Variants in TTC34 observed in about 807,000 individuals in gnomAD.
The protein encoded by TTC34 is tetratricopeptide repeat domain 34.
In TTC34, 44 loss-of-function variants were observed where a neutral mutation model predicts 40.7. The ratio of observed to expected loss-of-function variants is 1.08; its 90% CI spans 0.85 to 1.39. The LOEUF is 1.39. Ranked by LOEUF, TTC34 falls within the 40% of genes most tolerant of loss-of-function variation. The pLI, the probability that TTC34 is intolerant of heterozygous loss-of-function variation, is 0.00. For synonymous variants in TTC34, 422 were observed against 398.6 expected, an observed-to-expected ratio of 1.06 and a Z score of -0.70; for missense variants, 884 against 838.0, an observed-to-expected ratio of 1.05 and a Z score of -0.68.
intron 2 of TTC34, among the ~76,000 whole-genome samples, chr1:2,793,860 C>T (rs143888035): frequency 1.1e-4 from 17 of 152,262 alleles, no homozygotes; most frequent in African/African-American, 4.1e-4. Flanking sequence ...AATCCTTCTA[C>T]TGCCACCTCT....
chr1:2,652,206 C>A (rs1639163678), intron 6 of TTC34, among the ~76,000 whole-genome samples: 11 of 147,508 alleles, frequency 7.5e-5, no homozygotes, highest in Admixed American at 4.6e-4. Context: ...CACCCTGCAC[C>A]CCCAAGTGAG....
intron 5 of TTC34, among the ~76,000 whole-genome samples, chr1:2,784,135 C>T (rs550759542): frequency 2.3e-4 from 35 of 152,126 alleles, no homozygotes; most frequent in African/African-American, 7.0e-4. Context: ...GCATACAAGA[C>T]GAGGGGGGCA....
intron 6 of TTC34, among the ~76,000 whole-genome samples, chr1:2,698,388 C>A (rs1008253562): frequency 2.0e-5 from 1 of 50,812 alleles, no homozygotes; most frequent in African/African-American, 5.2e-5. Flanking sequence ...ATCGGACAGC[C>A]TGGAGCAGCA....
chr1:2,787,838 C>A, intron 3 of TTC34, 132 bp from the exon 4 acceptor site: 1 of 686,900 alleles, frequency 1.5e-6, no homozygotes, highest in Non-Finnish European at 2.3e-6. Flanking sequence ...GACCCTCACG[C>A]CACACCATCC....
intron 6 of TTC34, among the ~76,000 whole-genome samples, chr1:2,656,411 C>CT (rs372350260): frequency 1.5e-5 from 1 of 67,448 alleles, no homozygotes; most frequent in Non-Finnish European, 2.9e-5. Context: ...TAACAGCACC[C>CT]ACACCCCCAG....
chr1:2,754,046 C>G (rs1641417896), intron 6 of TTC34, among the ~76,000 whole-genome samples: 2 of 95,230 alleles, frequency 2.1e-5, no homozygotes, highest in African/African-American at 6.8e-5. Context: ...CAGCCTGGAG[C>G]AGCACCCACA....
chr1:2,769,832 A>G (rs1292437340), intron 6 of TTC34, among the ~76,000 whole-genome samples: 1 of 21,248 alleles, frequency 4.7e-5, no homozygotes, highest in African/African-American at 2.1e-4. Flanking sequence ...GGCGCCCACA[A>G]TCCCAGGTTA....
At chr1:2,793,450 A>G (rs1053843562) in intron 2 of TTC34, among the ~76,000 whole-genome samples, 25 of 151,974 alleles carry the variant, frequency 1.6e-4, no homozygotes, top group African/African-American at 6.0e-4. Flanking sequence ...TTTATTTTCT[A>G]TAGTTATGGG....
intron 6 of TTC34, among the ~76,000 whole-genome samples, chr1:2,751,647 C>G (rs1164093954): frequency 1.4e-5 from 1 of 70,404 alleles, no homozygotes; most frequent in African/African-American, 8.0e-5. Context: ...AGCACCCACA[C>G]CCCCAGTTGA....
chr1:2,752,175 G>C (rs1406818023), intron 6 of TTC34, among the ~76,000 whole-genome samples: 1 of 113,280 alleles, frequency 8.8e-6, no homozygotes, highest in African/African-American at 4.1e-5. Flanking sequence ...CACACCAACA[G>C]GTGAGCATCT....
At chr1:2,684,406 G>A (rs1434961874) in intron 6 of TTC34, among the ~76,000 whole-genome samples, 4 of 151,494 alleles carry the variant, frequency 2.6e-5, no homozygotes, top group African/African-American at 7.3e-5. Context: ...CCCCAGGTGA[G>A]CATCTGACAG....
At chr1:2,682,682 TCCGACAGCCTGGAGCAGCACCCACACACC>T (rs1640132209) in intron 6 of TTC34, among the ~76,000 whole-genome samples, 1 of 134,636 alleles carries the variant, frequency 7.4e-6, no homozygotes, top group Non-Finnish European at 1.7e-5. Flanking sequence ...CAGGCGAGCA[TCCGACAGCCTGGAGCAGCACCCACACACC>T]CAGGTGAGCA....
intron 8 of TTC34, among the ~76,000 whole-genome samples, chr1:2,643,185 G>C (rs773496320): frequency 6.6e-6 from 1 of 152,236 alleles, no homozygotes; most frequent in South Asian, 2.1e-4. Flanking sequence ...TGAGCCCGCG[G>C]CTCGGGCCGC....
intron 6 of TTC34, among the ~76,000 whole-genome samples, chr1:2,698,930 C>T (rs1379395169): frequency 7.3e-6 from 1 of 137,206 alleles, no homozygotes; most frequent in African/African-American, 2.6e-5. Context: ...TATCCTGCAC[C>T]CTCAGGTGAG....
chr1:2,683,947 C>T (rs1186661010), intron 6 of TTC34, among the ~76,000 whole-genome samples: 1 of 145,832 alleles, frequency 6.9e-6, no homozygotes, highest in East Asian at 2.1e-4. Context: ...TGGAGCAGTA[C>T]CCACACCCAC....
chr1:2,684,807 G>A lies in TTC34; in HGVS notation c.2227-39244C>T, dbSNP rs573720219. Among the ~76,000 whole-genome samples, 385 of 123,204 alleles carry A rather than the reference G, an allele frequency of 3.1e-3. 12 individuals carry two copies. The highest frequency in any genetic ancestry group is 0.014 in the African/African-American group (363 of 25,840). 80.8% of individuals were successfully genotyped at this position (123,204 alleles called of 152,430 possible). A position where few individuals can be genotyped will look rare whatever the true frequency, so the allele number is the denominator to read the frequency against. ...GAACAGCACCCACACCCCCAGGTGAGCATCTGACATCGTGCAGCAGCACCC... is the reference window on the plus strand; with the variant it reads ...GAACAGCACCCACACCCCCAGGTGAACATCTGACATCGTGCAGCAGCACCC... On this transcript the variant is annotated intron_variant, in intron 6 of 8. Coordinates refer to ENST00000401095, the Ensembl canonical transcript of TTC34.
chr1:2,699,455 C>A (rs1174526965), intron 6 of TTC34, among the ~76,000 whole-genome samples: 1 of 119,696 alleles, frequency 8.4e-6, no homozygotes, highest in Non-Finnish European at 2.0e-5. Context: ...ACCCCGCACC[C>A]ACAGGCGAGC....
At chr1:2,643,803 A>T (rs1235024473) in intron 8 of TTC34, among the ~76,000 whole-genome samples, 2 of 152,196 alleles carry the variant, frequency 1.3e-5, no homozygotes, top group Non-Finnish European at 2.9e-5. Context: ...GTCAGGAAGC[A>T]TTAAGGAGGT....
In TTC34 at chr1:2,755,973, C is replaced by T. The variant is rs1290229562; in HGVS notation, c.2226+27636G>A. On this transcript the variant is annotated intron_variant, in intron 6 of 8. Transcript: ENST00000401095. ...CAGGTGAGGATCTGACAGCCTGGAACAGCACCCTGCAACCCAGGTGAGCAT... is the reference window on the plus strand; with the variant it reads ...CAGGTGAGGATCTGACAGCCTGGAATAGCACCCTGCAACCCAGGTGAGCAT... Among the ~76,000 whole-genome samples, 5 of 76,910 alleles carry T rather than the reference C, an allele frequency of 6.5e-5. 1 individual carries two copies. The highest frequency in any genetic ancestry group is 1.2e-4 in the Admixed American group (1 of 8,580). The allele number at this position is 76,910 out of a possible 152,430, so 50.5% of individuals were successfully genotyped here.
Sources: allele counts gnomAD v4.1 joint callset (sites outside exome capture counted in the v4.1 genomes callset), GRCh38; gene constraint gnomAD v4.1.1; transcripts MANE v1.5; gene names NCBI Gene and HGNC (gene_info 2026-07-23, HGNC 2026-07-21).